The following TMEM232 variants were observed in gnomAD, a reference collection of about 807,000 sequenced individuals.
TMEM232 encodes the protein transmembrane protein 232.
TMEM232 carries 80 observed loss-of-function variants against 78.8 expected under a neutral mutation model. The observed-to-expected ratio is 1.01, with a 90% CI of 0.85 to 1.22. The LOEUF is 1.22. TMEM232 is among the 50% of genes most tolerant of loss of function. TMEM232 has a pLI of 0.00. For missense variants in TMEM232, 881 were observed against 742.2 expected (o/e 1.19, Z -2.17); for synonymous variants, 297 against 254.3 (o/e 1.17, Z -1.60).
At chr5:110,538,714 AG>A (rs1227049922) in intron 11 of TMEM232, among the ~76,000 whole-genome samples, 1 of 152,142 alleles carries the variant, frequency 6.6e-6, no homozygotes, top group Non-Finnish European at 1.5e-5. Context: ...TGAAGACCGA[AG>A]GGGCCTGGGG....
At chr5:110,528,882 G>A in intron 11 of TMEM232, 47 bp from the exon 12 acceptor site, 1 of 1,259,474 alleles carries the variant, frequency 7.9e-7, no homozygotes, top group Non-Finnish European at 1.0e-6. Flanking sequence ...GGATTAAATG[G>A]GAGAAAAAAA....
intron 3 of TMEM232, among the ~76,000 whole-genome samples, chr5:110,395,863 T>A (rs2112562517): frequency 6.6e-6 from 1 of 152,268 alleles, no homozygotes; most frequent in African/African-American, 2.4e-5. Context: ...TTCCCTTTCA[T>A]TGTCCTGCTG....
intron 2 of TMEM232, among the ~76,000 whole-genome samples, chr5:110,413,606 T>A (rs552249066): frequency 1.3e-5 from 2 of 152,190 alleles, no homozygotes; most frequent in Non-Finnish European, 2.9e-5. Flanking sequence ...CTCCTCTCCA[T>A]CCCTATGGGG....
intron 1 of TMEM232, among the ~76,000 whole-genome samples, chr5:110,680,917 T>A (rs1213049186): frequency 6.6e-6 from 1 of 151,220 alleles, no homozygotes; most frequent in Non-Finnish European, 1.5e-5. Context: ...GGGGTATGGG[T>A]AGGGGTAGAG....
At chr5:110,705,214 C>G (rs919673749) in intron 1 of TMEM232, among the ~76,000 whole-genome samples, 2 of 152,134 alleles carry the variant, frequency 1.3e-5, no homozygotes, top group East Asian at 3.9e-4. Flanking sequence ...GCTGTCTTAT[C>G]AAACATGTCT....
chr5:110,573,635 T>C (rs1454192558), intron 10 of TMEM232, among the ~76,000 whole-genome samples: 1 of 152,070 alleles, frequency 6.6e-6, no homozygotes. Flanking sequence ...ATTATGAATG[T>C]TATGAGAATA....
chr5:110,582,811 T>G lies in TMEM232; in HGVS notation c.1277-14186A>C, dbSNP rs1289579408. ...TTAAAACCAATAAAGTAAACTAATT[T>G]AGTAAACTTGAATGGTACAAAATCA... On this transcript the variant is annotated intron_variant, in intron 10 of 13. Coordinates refer to ENST00000455884, the MANE Select transcript of TMEM232 (RefSeq NM_001039763.4). 2.0e-5 allele frequency among the ~76,000 whole-genome samples: 3 copies of G among 152,012 alleles called. No individual in the cohort carries two copies. In the East Asian group the frequency reaches 5.8e-4, roughly 29 times the overall value.
At chr5:110,401,777 T>A (rs183580438) in intron 2 of TMEM232, among the ~76,000 whole-genome samples, 18 of 152,258 alleles carry the variant, frequency 1.2e-4, no homozygotes, top group Non-Finnish European at 1.9e-4. Flanking sequence ...AATAGATTAT[T>A]ATACATTTAA....
chr5:110,561,690 A>G (rs556958495), intron 11 of TMEM232, among the ~76,000 whole-genome samples: 7 of 152,184 alleles, frequency 4.6e-5, no homozygotes, highest in African/African-American at 1.7e-4. Flanking sequence ...CAGGTCAGCA[A>G]TTTGAGCTGG....
chr5:110,514,904 A>G (rs1016634192), intron 12 of TMEM232, among the ~76,000 whole-genome samples: 1 of 152,218 alleles, frequency 6.6e-6, no homozygotes, highest in Non-Finnish European at 1.5e-5. Flanking sequence ...TAGAAAAAAT[A>G]AGTTCACTAA....
chr5:110,634,595 C>A (rs1172948886), intron 5 of TMEM232, among the ~76,000 whole-genome samples: 1 of 151,522 alleles, frequency 6.6e-6, no homozygotes, highest in Non-Finnish European at 1.5e-5. Context: ...TTCTGAACAA[C>A]CACTGGGTCA....
chr5:110,628,592 C>T (rs1396713772), intron 5 of TMEM232, among the ~76,000 whole-genome samples: 2 of 150,972 alleles, frequency 1.3e-5, no homozygotes, highest in Non-Finnish European at 2.9e-5. Context: ...AACACATTAA[C>T]TATAGAAATG....
At chr5:110,737,575 G>A (rs982346174) in intron 1 of TMEM232, among the ~76,000 whole-genome samples, 2 of 152,100 alleles carry the variant, frequency 1.3e-5, no homozygotes, top group African/African-American at 2.4e-5. Context: ...CTTAATACGT[G>A]AAAGATAATT....
chr5:110,708,006 A>C (rs978365951), intron 1 of TMEM232, among the ~76,000 whole-genome samples: 2 of 152,186 alleles, frequency 1.3e-5, no homozygotes, highest in Non-Finnish European at 2.9e-5. Context: ...AATAACCAAC[A>C]GAAATATCCA....
intron 2 of TMEM232, among the ~76,000 whole-genome samples, chr5:110,406,299 CACACACAT>C (rs1307068682): frequency 4.7e-5 from 7 of 148,530 alleles, no homozygotes; most frequent in African/African-American, 1.3e-4. Context: ...CACACACACA[CACACACAT>C]ATGTGTCTAT....
chr5:110,533,165 T>C (rs140471148), intron 11 of TMEM232, among the ~76,000 whole-genome samples: 6,161 of 152,214 alleles, frequency 0.04, 198 homozygotes, highest in African/African-American at 0.086. Flanking sequence ...GACCCTGACA[T>C]CCATCAGTCC....
upstream of TMEM232, among the ~76,000 whole-genome samples, chr5:110,731,017 T>C (rs896716068): frequency 6.6e-6 from 1 of 152,172 alleles, no homozygotes; most frequent in Non-Finnish European, 1.5e-5. Flanking sequence ...GCTAGTTACT[T>C]CCTAGATACA....
chr5:110,499,180 G>C (rs776247096), intron 12 of TMEM232, among the ~76,000 whole-genome samples: 3 of 152,032 alleles, frequency 2.0e-5, no homozygotes, highest in Non-Finnish European at 4.4e-5. Context: ...CAACACATAG[G>C]AAAAAAGCAG....
At chr5:110,392,528 T>A (rs1755237340) in intron 3 of TMEM232, among the ~76,000 whole-genome samples, 1 of 152,212 alleles carries the variant, frequency 6.6e-6, no homozygotes, top group Non-Finnish European at 1.5e-5. Context: ...AAGTCCAAGA[T>A]CAAGGTGCCT....
Sources: gnomAD v4.1 joint callset for allele counts (sites outside exome capture counted in the v4.1 genomes callset) on GRCh38, gnomAD v4.1.1 for gene constraint, MANE v1.5 for transcripts, NCBI Gene and HGNC (gene_info 2026-07-23, HGNC 2026-07-21) for gene names.